Variants in SUGT1 observed in about 807,000 individuals in gnomAD.
SUGT1 encodes protein SGT1 homolog.
Under a neutral mutation model 56.1 loss-of-function variants are expected in SUGT1, and 15 were observed. That is an observed-to-expected ratio of 0.27 (90% CI 0.18 to 0.41). The LOEUF is 0.41. SUGT1 is among the 10% of genes least tolerant of loss of function. The probability of loss-of-function intolerance (pLI) is 1.00; values close to 1 mark genes in which losing one functional copy is unlikely to be tolerated. For missense variants in SUGT1, 347 were observed against 382.2 expected (o/e 0.91, Z 0.77); for synonymous variants, 123 against 128.6 (o/e 0.96, Z 0.30).
intron 9 of SUGT1, among the ~76,000 whole-genome samples, chr13:52,666,372 C>T (rs984738588): frequency 2.0e-5 from 3 of 152,136 alleles, no homozygotes; most frequent in African/African-American, 7.2e-5. Context: ...CCACCGTGCC[C>T]AGCCTCTTGA....
chr13:52,669,072 A>G (rs1008468167), intron 10 of SUGT1, among the ~76,000 whole-genome samples: 3 of 152,194 alleles, frequency 2.0e-5, no homozygotes, highest in Non-Finnish European at 4.4e-5. Context: ...TTCTTCAACC[A>G]TACTACTATG....
intron 10 of SUGT1, among the ~76,000 whole-genome samples, chr13:52,670,893 A>G (rs1158754043): frequency 6.6e-6 from 1 of 152,150 alleles, no homozygotes; most frequent in African/African-American, 2.4e-5. Context: ...TTCTTAAGTC[A>G]TAGTTAAGTC....
At chr13:52,676,382 A>C in intron 11 of SUGT1, 62 bp downstream of exon 11, 1 of 1,310,450 alleles carries the variant, frequency 7.6e-7, no homozygotes, top group Non-Finnish European at 1.1e-6. Flanking sequence ...GAAATTAAAT[A>C]GTAATGAACA....
rs1963778615 is a variant in SUGT1 at position 52,691,557 on chromosome 13, G to T, written c.*3722G>T. The stretch of plus-strand genomic sequence containing the variant: ...CTTGGAATCTTTCCTGTTCAGATTG[G>T]TGTGCATCTCTCTGAACTTGTAGCT... On this transcript the variant is annotated 3_prime_UTR_variant, in exon 13 of 13. Transcript: ENST00000310528. The T allele has an allele frequency of 6.6e-6, 1 of 151,992 alleles. No homozygotes were observed. The highest frequency in any genetic ancestry group is 2.1e-4 in the South Asian group (1 of 4,804). The allele number at this position is 151,992 out of a possible 1,614,324, so 9.4% of individuals were successfully genotyped here.
At position 52,696,716 on chromosome 13, in the gene SUGT1, G is replaced by A. The variant is rs1200341847; in HGVS notation, c.*8881G>A. On this transcript the variant is annotated 3_prime_UTR_variant, in exon 13 of 13. Transcript: ENST00000310528. ...ACAGGCGTGATAATTGTGTGTTACA[G>A]CCTCAAAGTCCAGGGCTCGAGTGAT... 6.6e-6 allele frequency: 1 copy of A among 152,112 alleles called. No individual in the cohort carries two copies. Among genetic ancestry groups the A allele is most frequent in the African/African-American group, 2.4e-5 (1 of 41,408 alleles). 9.4% of individuals were successfully genotyped at this position (152,112 alleles called of 1,614,324 possible).
chr13:52,686,085 G>A (rs576043602), intron 12 of SUGT1, among the ~76,000 whole-genome samples: 2 of 152,210 alleles, frequency 1.3e-5, no homozygotes, highest in South Asian at 2.1e-4. Flanking sequence ...ATGCCACTAC[G>A]CCTGGCTAAT....
Position 52,679,982 on chromosome 13 carries a change from A to C in SUGT1, c.727A>C (p.Asn243His), listed in dbSNP as rs1218698523. The stretch of plus-strand genomic sequence containing the variant: ...CTTTTTTTACTTCATAGATGTAAAG[A>C]ACCTATATCCATCATCATCTCCTTA... The part of the protein sequence containing the change: ...TPKQFVADVK[N>H]LYPSSSPYTR... The change falls in exon 12 of 13, where the codon AAC becomes CAC. Residue 243 changes from asparagine to histidine, a missense_variant. Physicochemically the swap from Asn to His is moderately conservative, Grantham distance 68. Transcript: ENST00000310528. The C allele has an allele frequency of 1.3e-6, 2 of 1,590,208 alleles. No individual in the cohort carries two copies. The highest frequency in any genetic ancestry group is 2.7e-5 in the African/African-American group (2 of 73,070).
At chr13:52,657,681 C>A in intron 3 of SUGT1, 59 bp downstream of exon 3, 1 of 1,466,024 alleles carries the variant, frequency 6.8e-7, no homozygotes. Flanking sequence ...ACATTTTACC[C>A]ATGACAAATT....
Position 52,689,169 on chromosome 13 carries a change from A to C in SUGT1, c.*1334A>C, listed in dbSNP as rs1963699223. On this transcript the variant is annotated 3_prime_UTR_variant, in exon 13 of 13. Coordinates refer to ENST00000310528, the MANE Select transcript of SUGT1 (RefSeq NM_006704.5). ...GTTGTGGGGTGTAGGGGAGTTACTA[A>C]GGAAAGTTTCAGTAAGGTGATACCA... is the stretch of plus-strand genomic sequence containing the variant. 1 of 152,130 alleles carries C rather than the reference A, an allele frequency of 6.6e-6. No individual in the cohort carries two copies. The highest frequency in any genetic ancestry group is 1.5e-5 in the Non-Finnish European group (1 of 68,034). 9.4% of individuals were successfully genotyped at this position (152,130 alleles called of 1,614,324 possible). A position where few individuals can be genotyped will look rare whatever the true frequency, so the allele number is the denominator to read the frequency against.
chr13:52,697,773 A>G lies in SUGT1; in HGVS notation c.*9938A>G, dbSNP rs914659871. 6.6e-6 allele frequency: 1 copy of G among 152,228 alleles called. No individual in the cohort carries two copies. The highest frequency in any genetic ancestry group is 2.4e-5 in the African/African-American group (1 of 41,460). The allele number at this position is 152,228 out of a possible 1,614,324, so 9.4% of individuals were successfully genotyped here. A position where few individuals can be genotyped will look rare whatever the true frequency, so the allele number is the denominator to read the frequency against. On this transcript the variant is annotated 3_prime_UTR_variant, in exon 13 of 13. Transcript: ENST00000310528. ...TCTGAAAAAGAACTTGGTTCATGAC[A>G]TCCACTCATTCATTTATGCACTTAG...
In SUGT1 at chr13:52,695,367, T is replaced by C. The variant is rs966015412; in HGVS notation, c.*7532T>C. The C allele has an allele frequency of 2.0e-5, 3 of 152,234 alleles. No individual in the cohort carries two copies. The highest frequency in any genetic ancestry group is 3.8e-4 in the East Asian group (2 of 5,206). 9.4% of individuals were successfully genotyped at this position (152,234 alleles called of 1,614,324 possible). A position where few individuals can be genotyped will look rare whatever the true frequency, so the allele number is the denominator to read the frequency against. ...TTGTAATGGAAGGAGTAGTAACTTA[T>C]GAATCTAGACTCTTAAAATCCCAGT... On this transcript the variant is annotated 3_prime_UTR_variant, in exon 13 of 13. Transcript: ENST00000310528.
At chr13:52,664,086 C>A in intron 8 of SUGT1, 29 bp downstream of exon 8, 1 of 1,604,950 alleles carries the variant, frequency 6.2e-7, no homozygotes, top group Non-Finnish European at 8.5e-7. Context: ...TAAAACAATG[C>A]ATGATAAATA....
Position 52,679,957 on chromosome 13 carries a change from CT to C in SUGT1, c.719-10del. 10 of 1,565,592 alleles carry C rather than the reference CT, an allele frequency of 6.4e-6. No individual in the cohort carries two copies. Among genetic ancestry groups the C allele is most frequent in the South Asian group, 2.4e-5 (2 of 83,272 alleles). ...AAACATGTTGATTAATTACTTCTGC[CT>C]TTTTTTACTTCATAGATGTAAAGAA... On this transcript the variant is annotated splice_polypyrimidine_tract_variant and intron_variant, in intron 11 of 12. Coordinates refer to ENST00000310528, the MANE Select transcript of SUGT1 (RefSeq NM_006704.5).
intron 3 of SUGT1, 61 bp downstream of exon 3, chr13:52,657,683 T>C: frequency 6.8e-7 from 1 of 1,463,684 alleles, no homozygotes; most frequent in Non-Finnish European, 9.3e-7. Flanking sequence ...ATTTTACCCA[T>C]GACAAATTAA....
At chr13:52,663,242 C>A in intron 7 of SUGT1, 130 bp downstream of exon 7, 1 of 803,982 alleles carries the variant, frequency 1.2e-6, no homozygotes, top group South Asian at 2.2e-5. Flanking sequence ...AGTGCTGGTT[C>A]CTCTAGGCAC....
rs973456773 is a variant in SUGT1, at chr13:52,693,207, A to T, written c.*5372A>T. 2.6e-5 allele frequency: 4 copies of T among 152,072 alleles called. No individual in the cohort carries two copies. The South Asian group carries it at 6.2e-4, about 24-fold the overall frequency. 9.4% of individuals were successfully genotyped at this position (152,072 alleles called of 1,614,324 possible). A position where few individuals can be genotyped will look rare whatever the true frequency, so the allele number is the denominator to read the frequency against. On this transcript the variant is annotated 3_prime_UTR_variant, in exon 13 of 13. Coordinates refer to ENST00000310528, the MANE Select transcript of SUGT1 (RefSeq NM_006704.5). ...TTTGGATTTTTAGTTTTATTTTTAC[A>T]TTGAGACTTCTACCTATATCATTGA...
At position 52,659,229 on chromosome 13, in the gene SUGT1, C is replaced by T; in HGVS notation, c.308C>T (p.Thr103Ile). 11 of 1,482,202 alleles carry T rather than the reference C, an allele frequency of 7.4e-6. No individual in the cohort carries two copies. The highest frequency in any genetic ancestry group is 9.8e-6 in the Non-Finnish European group (11 of 1,122,194). 91.8% of individuals were successfully genotyped at this position (1,482,202 alleles called of 1,614,324 possible). Residue 103 changes from threonine to isoleucine, a missense_variant, in exon 5 of 13, where the codon ACA becomes ATA. Thr to Ile is a moderately conservative substitution (Grantham distance 89). Transcript: ENST00000310528. ...KNYAAALETF[T>I]EGQKLDSADA... ...TATGCTGCTGCCCTAGAAACTTTTA[C>T]AGAAGGACAAAAATTAGATAGTAAG... is the stretch of plus-strand genomic sequence containing the variant.
chr13:52,692,005 TCTTAG>T lies in SUGT1; in HGVS notation c.*4172_*4176del, dbSNP rs938737851. 6.6e-6 allele frequency: 1 copy of T among 152,192 alleles called. No individual in the cohort carries two copies. Among genetic ancestry groups the T allele is most frequent in the African/African-American group, 2.4e-5 (1 of 41,460 alleles). 9.4% of individuals were successfully genotyped at this position (152,192 alleles called of 1,614,324 possible). ...GATTGGTTTCTGAGATTAATTTAAC[TCTTAG>T]CCTCACTTCCTACCTTAGTAAAGTT... is the stretch of plus-strand genomic sequence containing the variant. On this transcript the variant is annotated 3_prime_UTR_variant, in exon 13 of 13. Coordinates refer to ENST00000310528, the MANE Select transcript of SUGT1 (RefSeq NM_006704.5).
intron 12 of SUGT1, 34 bp downstream of exon 12, chr13:52,680,189 A>G (rs1262107938): frequency 7.9e-6 from 12 of 1,521,184 alleles, no homozygotes; most frequent in African/African-American, 5.8e-5. Flanking sequence ...TATATATGGG[A>G]GCAAATTTTA....
Sources: allele counts gnomAD v4.1 joint callset (sites outside exome capture counted in the v4.1 genomes callset), GRCh38; gene constraint gnomAD v4.1.1; transcripts MANE v1.5; gene names NCBI Gene and HGNC (gene_info 2026-07-23, HGNC 2026-07-21).